Variants in WDPCP observed in about 807,000 individuals in gnomAD.
WDPCP encodes the protein WD repeat containing planar cell polarity effector.
In WDPCP, 71 loss-of-function variants were observed where a neutral mutation model predicts 93.1. That is an observed-to-expected ratio of 0.76 (90% CI 0.63 to 0.93). The LOEUF is 0.93. Ranked by LOEUF, WDPCP falls within the 40% of genes least tolerant of loss-of-function variation. WDPCP has a pLI of 0.00. For synonymous variants in WDPCP, 315 were observed against 315.0 expected, an observed-to-expected ratio of 1.00 and a Z score of 0.00; for missense variants, 844 against 887.4, an observed-to-expected ratio of 0.95 and a Z score of 0.62.
chr2:63,714,611 C>T (rs1320407057), intron 2 of WDPCP, among the ~76,000 whole-genome samples: 2 of 152,038 alleles, frequency 1.3e-5, no homozygotes, highest in Non-Finnish European at 2.9e-5. Flanking sequence ...GGGCGGATCA[C>T]GAGGTCAGGA....
At chr2:63,575,272 C>T (rs1707839119) in intron 1 of WDPCP, among the ~76,000 whole-genome samples, 1 of 148,602 alleles carries the variant, frequency 6.7e-6, no homozygotes, top group Non-Finnish European at 1.5e-5. Flanking sequence ...ATACATAATA[C>T]ATATTATATA....
chr2:63,365,005 A>G (rs1690789519), intron 12 of WDPCP, among the ~76,000 whole-genome samples: 1 of 152,236 alleles, frequency 6.6e-6, no homozygotes, highest in African/African-American at 2.4e-5. Context: ...GTGTTCCAAA[A>G]GAACTGTATT....
At chr2:63,735,024 A>G (rs1669619712) in intron 2 of WDPCP, among the ~76,000 whole-genome samples, 1 of 152,216 alleles carries the variant, frequency 6.6e-6, no homozygotes, top group Non-Finnish European at 1.5e-5. Context: ...TAACTCTGAT[A>G]TCATTTATTC....
At chr2:63,749,951 A>T (rs1371014055) in intron 2 of WDPCP, among the ~76,000 whole-genome samples, 1 of 152,118 alleles carries the variant, frequency 6.6e-6, no homozygotes, top group Non-Finnish European at 1.5e-5. Context: ...CAATGCAAAT[A>T]TCCTTGGGAG....
At chr2:63,828,336 G>C (rs537684150), upstream of WDPCP, among the ~76,000 whole-genome samples, 1 of 152,054 alleles carries the variant, frequency 6.6e-6, no homozygotes, top group East Asian at 1.9e-4. Context: ...TATTTCCTCA[G>C]AGAGGGCTTC....
intron 2 of WDPCP, among the ~76,000 whole-genome samples, chr2:63,708,260 T>A (rs981935386): frequency 1.6e-4 from 25 of 152,326 alleles, no homozygotes; most frequent in African/African-American, 6.0e-4. Flanking sequence ...CTCCTTGAGT[T>A]GTGGTGGGCT....
chr2:63,758,856 C>T (rs950508664), intron 2 of WDPCP, among the ~76,000 whole-genome samples: 1 of 152,112 alleles, frequency 6.6e-6, no homozygotes, highest in Non-Finnish European at 1.5e-5. Context: ...CAGCTCACTG[C>T]AACCTCAGAC....
At chr2:63,708,853 G>C (rs1162792455) in intron 2 of WDPCP, among the ~76,000 whole-genome samples, 1 of 151,510 alleles carries the variant, frequency 6.6e-6, no homozygotes, top group Non-Finnish European at 1.5e-5. Flanking sequence ...CTCATGATCC[G>C]CCCACCTCAG....
chr2:63,302,079 G>A (rs950310342), intron 13 of WDPCP, among the ~76,000 whole-genome samples: 1 of 152,154 alleles, frequency 6.6e-6, no homozygotes, highest in Non-Finnish European at 1.5e-5. Context: ...CTCATTTGGG[G>A]CCCCTTCAAG....
intron 6 of WDPCP, among the ~76,000 whole-genome samples, chr2:63,451,238 C>A (rs1698225490): frequency 6.6e-6 from 1 of 151,714 alleles, no homozygotes; most frequent in Non-Finnish European, 1.5e-5. Context: ...ATGAACTAGA[C>A]CAAGCAGAAG....
chr2:63,311,394 A>G (rs747851510), intron 13 of WDPCP, among the ~76,000 whole-genome samples: 6 of 152,314 alleles, frequency 3.9e-5, no homozygotes, highest in Non-Finnish European at 7.4e-5. Context: ...CAATTTCTAC[A>G]TGGAACCTTA....
chr2:63,297,863 T>C (rs1684988524), intron 13 of WDPCP, among the ~76,000 whole-genome samples: 1 of 152,160 alleles, frequency 6.6e-6, no homozygotes, highest in African/African-American at 2.4e-5. Context: ...CCATGCCATT[T>C]TGCAAAGTAA....
chr2:63,185,003 T>C (rs909118982), intron 14 of WDPCP, among the ~76,000 whole-genome samples: 3 of 152,208 alleles, frequency 2.0e-5, no homozygotes, highest in African/African-American at 7.2e-5. Flanking sequence ...ATTGACCCTT[T>C]CAGCCATATT....
chr2:63,732,838 G>A (rs1017715893), intron 2 of WDPCP, among the ~76,000 whole-genome samples: 1 of 152,158 alleles, frequency 6.6e-6, no homozygotes, highest in African/African-American at 2.4e-5. Flanking sequence ...GGGGAAGGGT[G>A]AATGATGAAG....
chr2:63,276,506 A>G (rs1213990936), intron 13 of WDPCP, among the ~76,000 whole-genome samples: 4 of 152,224 alleles, frequency 2.6e-5, no homozygotes. Context: ...AAAAATCTTC[A>G]CTGAAATAGC....
intron 1 of WDPCP, among the ~76,000 whole-genome samples, chr2:63,507,789 C>T (rs1701976005): frequency 6.6e-6 from 1 of 151,926 alleles, no homozygotes. Context: ...ATGAAGCATA[C>T]ACAAGTATAA....
intron 14 of WDPCP, among the ~76,000 whole-genome samples, chr2:63,236,271 C>T (rs1014331289): frequency 4.6e-5 from 7 of 152,006 alleles, no homozygotes; most frequent in Non-Finnish European, 1.0e-4. Flanking sequence ...ATACACCTAA[C>T]CAAGAAAGTG....
chr2:63,339,950 A>AG (rs1201296427), intron 12 of WDPCP, among the ~76,000 whole-genome samples: 1 of 152,142 alleles, frequency 6.6e-6, no homozygotes, highest in Non-Finnish European at 1.5e-5. Context: ...CTATTGAAAT[A>AG]ATCATATGTT....
chr2:63,544,493 C>G (rs1168175332), intron 1 of WDPCP, among the ~76,000 whole-genome samples: 1 of 152,032 alleles, frequency 6.6e-6, no homozygotes, highest in Non-Finnish European at 1.5e-5. Flanking sequence ...CAAACTGATT[C>G]TCTATTATTT....
Sources: gnomAD v4.1 joint callset for allele counts (sites outside exome capture counted in the v4.1 genomes callset) on GRCh38, gnomAD v4.1.1 for gene constraint, MANE v1.5 for transcripts, NCBI Gene and HGNC (gene_info 2026-07-23, HGNC 2026-07-21) for gene names.